CYP4X1: variants seen among roughly 807,000 people sequenced by gnomAD.
CYP4X1 encodes cytochrome P450 family 4 subfamily X member 1.
Under a neutral mutation model 57.9 loss-of-function variants are expected in CYP4X1, and 44 were observed. That is an observed-to-expected ratio of 0.76 (90% CI 0.60 to 0.98). The LOEUF is 0.98. Among genes scored for constraint, CYP4X1 ranks in the 50% least tolerant of loss-of-function variants. CYP4X1 has a pLI of 0.00. For synonymous variants in CYP4X1, 227 were observed against 228.6 expected, an observed-to-expected ratio of 0.99 and a Z score of 0.06; for missense variants, 532 against 623.9, an observed-to-expected ratio of 0.85 and a Z score of 1.57.
the CYP4X1 span, among the ~76,000 whole-genome samples, chr1:47,010,473 T>C: frequency 6.6e-6 from 1 of 152,160 alleles, no homozygotes; most frequent in African/African-American, 2.4e-5. Context: ...GGGCAAAAAC[T>C]GGAAGCACTC....
At chr1:47,001,021 T>G in the CYP4X1 span, 1 of 228,094 alleles carries the variant, frequency 4.4e-6, no homozygotes, top group Non-Finnish European at 1.0e-5. Flanking sequence ...CAGCTTAAAG[T>G]TGAGTAGGGT....
chr1:47,049,527 G>C, intron 11 of CYP4X1, 23 bp downstream of exon 11: 1 of 1,598,942 alleles, frequency 6.3e-7, no homozygotes, highest in Non-Finnish European at 8.6e-7. Context: ...TGAAGTTGCT[G>C]AAAGTACCCA....
At chr1:47,024,686 A>C (rs1287611680) in intron 1 of CYP4X1, among the ~76,000 whole-genome samples, 1 of 152,230 alleles carries the variant, frequency 6.6e-6, no homozygotes, top group Non-Finnish European at 1.5e-5. Flanking sequence ...GGCCACAGAG[A>C]GAAAATGAAA....
In CYP4X1 at chr1:47,050,267, G is replaced by A. The variant is rs1644349705; in HGVS notation, c.*93G>A. 1 of 1,450,030 alleles carries A rather than the reference G, an allele frequency of 6.9e-7. No homozygotes were observed. The highest frequency in any genetic ancestry group is 1.8e-5 in the Admixed American group (1 of 54,324). 89.8% of individuals were successfully genotyped at this position (1,450,030 alleles called of 1,614,324 possible). A position where few individuals can be genotyped will look rare whatever the true frequency, so the allele number is the denominator to read the frequency against. On this transcript the variant is annotated 3_prime_UTR_variant, in exon 12 of 12. Coordinates refer to ENST00000371901, the MANE Select transcript of CYP4X1 (RefSeq NM_178033.2). ...AGATAGAAAGGGATCAATGTATGGT[G>A]GGAGGATTGGAGGTTGGTGGGATAG...
chr1:46,967,009 T>C, the CYP4X1 span, among the ~76,000 whole-genome samples: 3 of 152,264 alleles, frequency 2.0e-5, no homozygotes, highest in African/African-American at 7.2e-5. Flanking sequence ...TGTTGTTTAA[T>C]TTTACATGTT....
Position 47,049,514 on chromosome 1 carries a change from A to C in CYP4X1, c.1355+10A>C, listed in dbSNP as rs778994488. 13 of 1,612,686 alleles carry C rather than the reference A, an allele frequency of 8.1e-6. No homozygotes were observed. The South Asian group carries it at 1.3e-4, about 16-fold the overall frequency. Reference sequence around the variant, plus strand: ...TCTCAGCTGGATCAAGGTGAGAACAATTTGAAGTTGCTGAAAGTACCCAAA... The same window carrying C: ...TCTCAGCTGGATCAAGGTGAGAACACTTTGAAGTTGCTGAAAGTACCCAAA... On this transcript the variant is annotated intron_variant, in intron 11 of 11. Coordinates refer to ENST00000371901, the MANE Select transcript of CYP4X1 (RefSeq NM_178033.2).
chr1:47,031,433 C>T lies in CYP4X1; in HGVS notation c.320-3C>T. On this transcript the variant is annotated splice_polypyrimidine_tract_variant and splice_region_variant and intron_variant, in intron 2 of 11. Coordinates refer to ENST00000371901, the MANE Select transcript of CYP4X1 (RefSeq NM_178033.2). ...CTTTTGTTTCCTCTGCTTGACTCTG[C>T]AGATCCCAAGTCCCAGTACCTGCAG... 3 of 1,613,972 alleles carry T rather than the reference C, an allele frequency of 1.9e-6. No individual in the cohort carries two copies. The highest frequency in any genetic ancestry group is 2.5e-6 in the Non-Finnish European group (3 of 1,179,948).
chr1:46,967,886 G>T, the CYP4X1 span: 1 of 865,670 alleles, frequency 1.2e-6, no homozygotes, highest in Non-Finnish European at 1.6e-6. Flanking sequence ...CAGGCAGACA[G>T]TGAATTGATA....
chr1:47,000,971 T>G, the CYP4X1 span: 1 of 191,146 alleles, frequency 5.2e-6, no homozygotes, highest in Admixed American at 5.6e-5. Context: ...TTCAACACCA[T>G]TTGTGGTAAG....
At chr1:46,964,706 A>C in the CYP4X1 span, among the ~76,000 whole-genome samples, 2 of 152,228 alleles carry the variant, frequency 1.3e-5, no homozygotes, top group Non-Finnish European at 2.9e-5. Context: ...TTGAGGTGGC[A>C]GTCTGTCTGT....
the CYP4X1 span, among the ~76,000 whole-genome samples, chr1:46,986,189 A>C: frequency 6.6e-6 from 1 of 152,348 alleles, no homozygotes; most frequent in South Asian, 2.1e-4. Context: ...GACCTGATGG[A>C]GCTGAAAAAC....
the CYP4X1 span, among the ~76,000 whole-genome samples, chr1:47,006,532 T>C: frequency 1.3e-5 from 2 of 152,164 alleles, no homozygotes; most frequent in Non-Finnish European, 2.9e-5. Context: ...GATTTCTGCA[T>C]TTTCAACTGA....
downstream of CYP4X1, among the ~76,000 whole-genome samples, chr1:47,055,306 C>A (rs919126917): frequency 6.6e-6 from 1 of 152,156 alleles, no homozygotes; most frequent in Non-Finnish European, 1.5e-5. Context: ...TGATATGTTG[C>A]TGGATTCGGC....
chr1:47,023,683 T>C lies in CYP4X1; in HGVS notation c.-135T>C. The stretch of plus-strand genomic sequence containing the variant: ...CTGCCCCTCCCACTGCCTTTCCTTC[T>C]TCCCGCGAGTCAGAAGCTTCGCGAG... On this transcript the variant is annotated 5_prime_UTR_variant, in exon 1 of 12. Transcript: ENST00000371901. 3 of 1,429,242 alleles carry C rather than the reference T, an allele frequency of 2.1e-6. No individual in the cohort carries two copies. Among genetic ancestry groups the C allele is most frequent in the Non-Finnish European group, 2.7e-6 (3 of 1,094,856 alleles). 88.5% of individuals were successfully genotyped at this position (1,429,242 alleles called of 1,614,324 possible). A position where few individuals can be genotyped will look rare whatever the true frequency, so the allele number is the denominator to read the frequency against.
chr1:47,009,234 CT>C, the CYP4X1 span, among the ~76,000 whole-genome samples: 2 of 152,042 alleles, frequency 1.3e-5, no homozygotes, highest in Non-Finnish European at 2.9e-5. Context: ...TGCAATCAAA[CT>C]AGAACTCAGG....
intron 4 of CYP4X1, among the ~76,000 whole-genome samples, chr1:47,034,656 G>A (rs1158394618): frequency 6.6e-6 from 1 of 152,122 alleles, no homozygotes; most frequent in African/African-American, 2.4e-5. Context: ...GAGTTCTCAA[G>A]GCAGAGACCC....
chr1:47,054,442 C>T (rs1338241714), downstream of CYP4X1, among the ~76,000 whole-genome samples: 1 of 151,784 alleles, frequency 6.6e-6, no homozygotes, highest in Non-Finnish European at 1.5e-5. Context: ...GTAGTTTTTT[C>T]CAATTCTGTG....
At chr1:47,012,955 AT>A in the CYP4X1 span, among the ~76,000 whole-genome samples, 21 of 151,682 alleles carry the variant, frequency 1.4e-4, no homozygotes, top group East Asian at 1.9e-4. Context: ...ACATTTAAAC[AT>A]TTTTTTTCCT....
At position 47,048,356 on chromosome 1, in the gene CYP4X1, T is replaced by C. The variant is rs570558569; in HGVS notation, c.1208-209T>C. Among the ~76,000 whole-genome samples the C allele has an allele frequency of 1.1e-4, 17 of 152,334 alleles. No homozygotes were observed. The South Asian group carries it at 2.7e-3, about 24-fold the overall frequency. On this transcript the variant is annotated intron_variant, in intron 9 of 11. Transcript: ENST00000371901. ...CCAACAGCTACTTAAGATAGAATCA[T>C]GAATTCAGTAAATTGTTGTGTGGAA...
Sources: allele counts gnomAD v4.1 joint callset (sites outside exome capture counted in the v4.1 genomes callset), GRCh38; gene constraint gnomAD v4.1.1; transcripts MANE v1.5; gene names NCBI Gene and HGNC (gene_info 2026-07-23, HGNC 2026-07-21).